ATXN7L1: variants seen among roughly 807,000 people sequenced by gnomAD.
ATXN7L1 encodes ataxin-7-like protein 1.
Under a neutral mutation model 70.8 loss-of-function variants are expected in ATXN7L1, and 15 were observed. The ratio of observed to expected loss-of-function variants is 0.21; its 90% CI spans 0.14 to 0.33. ATXN7L1 has a LOEUF of 0.33. ATXN7L1 is among the 10% of genes least tolerant of loss of function. The probability of loss-of-function intolerance (pLI) is 1.00; values close to 1 mark genes in which losing one functional copy is unlikely to be tolerated. For missense variants in ATXN7L1, 975 were observed against 1,097.1 expected, an observed-to-expected ratio of 0.89 and a Z score of 1.57; for synonymous variants, 440 against 445.1, an observed-to-expected ratio of 0.99 and a Z score of 0.14.
chr7:105,730,339 A>G (rs1053236468), intron 3 of ATXN7L1, among the ~76,000 whole-genome samples: 1 of 152,094 alleles, frequency 6.6e-6, no homozygotes, highest in African/African-American at 2.4e-5. Flanking sequence ...GCAAATATCA[A>G]CAGAAGGGTA....
At chr7:105,609,023 C>T (rs928841913) in intron 11 of ATXN7L1, among the ~76,000 whole-genome samples, 1 of 152,152 alleles carries the variant, frequency 6.6e-6, no homozygotes, top group Non-Finnish European at 1.5e-5. Flanking sequence ...GTGTACACAC[C>T]GACTACTCTT....
At chr7:105,627,535 C>CT (rs75673147) in intron 7 of ATXN7L1, among the ~76,000 whole-genome samples, 41,265 of 134,188 alleles carry the variant, frequency 0.31, 6,562 homozygotes, top group East Asian at 0.44. Context: ...TGTGCTAGGC[C>CT]TTTTTTTTTT....
intron 3 of ATXN7L1, among the ~76,000 whole-genome samples, chr7:105,746,259 C>T (rs1227546648): frequency 6.6e-6 from 1 of 152,192 alleles, no homozygotes; most frequent in Admixed American, 6.5e-5. Flanking sequence ...TATTGCCTAC[C>T]CAACAACCGC....
At chr7:105,705,014 TTTTA>T (rs377314818) in intron 3 of ATXN7L1, among the ~76,000 whole-genome samples, 29 of 151,438 alleles carry the variant, frequency 1.9e-4, no homozygotes, top group African/African-American at 5.8e-4. Flanking sequence ...TTATTTTTTA[TTTTA>T]TTTATTTATT....
At chr7:105,779,862 C>T (rs896691673) in intron 3 of ATXN7L1, among the ~76,000 whole-genome samples, 7 of 152,072 alleles carry the variant, frequency 4.6e-5, no homozygotes, top group African/African-American at 1.7e-4. Flanking sequence ...AGAATAATTT[C>T]CTTTATTTTA....
intron 3 of ATXN7L1, among the ~76,000 whole-genome samples, chr7:105,779,774 T>TA (rs1364250429): frequency 3.9e-5 from 6 of 152,196 alleles, no homozygotes; most frequent in Non-Finnish European, 8.8e-5. Flanking sequence ...ACTGGTGAAA[T>TA]AAAGTTTGCA....
At chr7:105,762,532 A>G (rs956035193) in intron 3 of ATXN7L1, among the ~76,000 whole-genome samples, 2 of 152,136 alleles carry the variant, frequency 1.3e-5, no homozygotes, top group Non-Finnish European at 2.9e-5. Context: ...CTCCAAGCCC[A>G]TGGAGAGTTT....
chr7:105,678,756 C>T (rs542230221), intron 3 of ATXN7L1, among the ~76,000 whole-genome samples: 5 of 152,258 alleles, frequency 3.3e-5, no homozygotes, highest in Admixed American at 2.0e-4. Context: ...CACTCCACTC[C>T]TTCTCAGGCC....
At chr7:105,820,410 C>G (rs902325442) in intron 2 of ATXN7L1, among the ~76,000 whole-genome samples, 1 of 152,086 alleles carries the variant, frequency 6.6e-6, no homozygotes, top group Non-Finnish European at 1.5e-5. Context: ...GAGGAACATG[C>G]TGGGCAGTGG....
At chr7:105,641,013 A>G (rs1045341482) in intron 5 of ATXN7L1, among the ~76,000 whole-genome samples, 7 of 152,322 alleles carry the variant, frequency 4.6e-5, no homozygotes, top group Admixed American at 3.3e-4. Context: ...CGAGCATATA[A>G]CAATGCTCAG....
chr7:105,796,222 G>C (rs1805968557), intron 2 of ATXN7L1, among the ~76,000 whole-genome samples: 1 of 152,178 alleles, frequency 6.6e-6, no homozygotes, highest in Non-Finnish European at 1.5e-5. Flanking sequence ...CATTAGGTGG[G>C]CGTGGTCGTG....
chr7:105,759,462 G>GT, intron 3 of ATXN7L1, among the ~76,000 whole-genome samples: 1 of 95,810 alleles, frequency 1.0e-5, no homozygotes, highest in South Asian at 4.0e-4. Flanking sequence ...GTGTGTGTGT[G>GT]TGTGTGTGTG....
chr7:105,784,770 G>A (rs1267250708), intron 3 of ATXN7L1, among the ~76,000 whole-genome samples: 1 of 152,176 alleles, frequency 6.6e-6, no homozygotes, highest in Non-Finnish European at 1.5e-5. Flanking sequence ...GGGATGAGGT[G>A]AGCTGCTCAA....
rs534458276 is a variant in ATXN7L1, at chr7:105,616,642, T to G, written c.1518-1826A>C. Among the ~76,000 whole-genome samples the G allele has an allele frequency of 3.3e-5, 5 of 152,234 alleles. No homozygotes were observed. The East Asian group carries it at 9.7e-4, about 29-fold the overall frequency. Reference sequence around the variant, plus strand: ...ATGGATGAATGGGTAGGTGGATGGGTGAGCAGGTGGATTCTCAGCAGCACC... The same window carrying G: ...ATGGATGAATGGGTAGGTGGATGGGGGAGCAGGTGGATTCTCAGCAGCACC... On this transcript the variant is annotated intron_variant, in intron 9 of 11. Transcript: ENST00000419735.
At chr7:105,675,059 G>A (rs1033180215) in intron 3 of ATXN7L1, among the ~76,000 whole-genome samples, 4 of 151,918 alleles carry the variant, frequency 2.6e-5, no homozygotes, top group Admixed American at 6.6e-5. Flanking sequence ...CCTTTCATCT[G>A]GTAATCTGGT....
rs1352252564 is a variant in ATXN7L1 at position 105,624,152 on chromosome 7, C to T, written c.1318G>A (p.Glu440Lys). The T allele has an allele frequency of 6.5e-7, 1 of 1,535,788 alleles. No homozygotes were observed. The change falls in exon 8 of 12, where the codon GAA becomes AAA. Residue 440 changes from glutamate (E) to lysine (K), a missense_variant. Transcript: ENST00000419735. Reference protein sequence around the residue: ...GDLASRLSSDEGEMDGADESE... With the variant: ...GDLASRLSSDKGEMDGADESE... ...TCGTCGGCTCCGTCCATCTCCCCTT[C>T]ATCACTGGACAGTCGGCTGGCGAGG...
intron 2 of ATXN7L1, among the ~76,000 whole-genome samples, chr7:105,853,999 C>T (rs1165815860): frequency 2.6e-5 from 4 of 152,098 alleles, no homozygotes; most frequent in Non-Finnish European, 5.9e-5. Flanking sequence ...GCGGTCTAAG[C>T]ACCGACTGGC....
At chr7:105,769,834 A>T (rs1315478206) in intron 3 of ATXN7L1, among the ~76,000 whole-genome samples, 1 of 152,106 alleles carries the variant, frequency 6.6e-6, no homozygotes, top group Non-Finnish European at 1.5e-5. Flanking sequence ...TCATCTTTTC[A>T]CCATCAGGAA....
intron 2 of ATXN7L1, among the ~76,000 whole-genome samples, chr7:105,859,777 T>C (rs1816287104): frequency 8.1e-6 from 1 of 122,808 alleles, no homozygotes; most frequent in Non-Finnish European, 1.6e-5. Context: ...TCTTTTTCTT[T>C]CTTTCTTTTT....
Sources: gnomAD v4.1 joint callset for allele counts (sites outside exome capture counted in the v4.1 genomes callset) on GRCh38, gnomAD v4.1.1 for gene constraint, MANE v1.5 for transcripts, NCBI Gene and HGNC (gene_info 2026-07-23, HGNC 2026-07-21) for gene names.